The following LUZP2 variants were observed in gnomAD, a reference collection of about 807,000 sequenced individuals.
LUZP2 encodes leucine zipper protein 2.
In LUZP2, 52 loss-of-function variants were observed where a neutral mutation model predicts 51.6. The observed-to-expected ratio is 1.01, with a 90% CI of 0.81 to 1.27. The LOEUF is 1.27. LUZP2 is among the 50% of genes most tolerant of loss of function. LUZP2 has a pLI of 0.00. For synonymous variants in LUZP2, 154 were observed against 137.3 expected (o/e 1.12, Z -0.85); for missense variants, 436 against 395.4 (o/e 1.10, Z -0.87).
chr11:24,773,894 C>T (rs1457334767), intron 5 of LUZP2, among the ~76,000 whole-genome samples: 1 of 152,112 alleles, frequency 6.6e-6, no homozygotes, highest in African/African-American at 2.4e-5. Context: ...AACCACAAAG[C>T]CACATGTAGC....
intron 1 of LUZP2, among the ~76,000 whole-genome samples, chr11:24,541,116 G>T (rs1318928507): frequency 6.6e-6 from 1 of 151,828 alleles, no homozygotes; most frequent in Non-Finnish European, 1.5e-5. Flanking sequence ...AGCCGGGCGT[G>T]GTGGTGGGCG....
chr11:24,760,956 C>T (rs1427301507), intron 4 of LUZP2, among the ~76,000 whole-genome samples: 3 of 152,292 alleles, frequency 2.0e-5, no homozygotes, highest in Middle Eastern at 3.4e-3. Context: ...CTTAACCTAT[C>T]TCAGCTGAGA....
At chr11:24,525,511 C>G (rs1005488582) in intron 1 of LUZP2, among the ~76,000 whole-genome samples, 2 of 151,200 alleles carry the variant, frequency 1.3e-5, no homozygotes, top group Non-Finnish European at 3.0e-5. Flanking sequence ...ATTGCTGTAA[C>G]GTAAAGAATA....
chr11:24,754,369 C>G (rs1007762157), intron 4 of LUZP2, among the ~76,000 whole-genome samples: 18 of 152,174 alleles, frequency 1.2e-4, no homozygotes, highest in African/African-American at 3.9e-4. Context: ...TTCTTTCACT[C>G]TCCTCACTAC....
chr11:24,807,888 G>C (rs1214166869), intron 5 of LUZP2, among the ~76,000 whole-genome samples: 1 of 152,062 alleles, frequency 6.6e-6, no homozygotes, highest in Admixed American at 6.6e-5. Context: ...AACATATTTT[G>C]GGGGTATTGT....
intron 5 of LUZP2, among the ~76,000 whole-genome samples, chr11:24,815,345 G>T (rs973806274): frequency 6.6e-6 from 1 of 152,070 alleles, no homozygotes; most frequent in Non-Finnish European, 1.5e-5. Context: ...TATTGACTTT[G>T]ATGCATATGG....
intron 1 of LUZP2, among the ~76,000 whole-genome samples, chr11:24,694,670 C>A (rs12805076): frequency 0.028 from 4,255 of 152,080 alleles, 69 homozygotes; most frequent in Middle Eastern, 0.058. Flanking sequence ...TAGAACTAAC[C>A]CCAATGCCCA....
At chr11:24,557,000 T>C (rs1851888237) in intron 1 of LUZP2, among the ~76,000 whole-genome samples, 1 of 152,152 alleles carries the variant, frequency 6.6e-6, no homozygotes, top group Non-Finnish European at 1.5e-5. Context: ...TCTACCATTA[T>C]TAATTAATTT....
intron 9 of LUZP2, among the ~76,000 whole-genome samples, chr11:25,019,801 A>G (rs1287045260): frequency 6.6e-6 from 1 of 152,070 alleles, no homozygotes; most frequent in Non-Finnish European, 1.5e-5. Flanking sequence ...TCTTGAGGCT[A>G]CTGTCAGAGG....
chr11:25,029,188 A>C (rs1857578180), intron 9 of LUZP2, among the ~76,000 whole-genome samples: 1 of 152,126 alleles, frequency 6.6e-6, no homozygotes, highest in African/African-American at 2.4e-5. Context: ...GAGGGTGACT[A>C]TACTCAATAA....
At chr11:24,915,140 A>G (rs1853752818) in intron 7 of LUZP2, among the ~76,000 whole-genome samples, 1 of 152,168 alleles carries the variant, frequency 6.6e-6, no homozygotes, top group African/African-American at 2.4e-5. Flanking sequence ...ATGAAGTTGC[A>G]TGAATTAGAA....
chr11:24,678,164 G>A (rs974264493), intron 1 of LUZP2, among the ~76,000 whole-genome samples: 1 of 151,478 alleles, frequency 6.6e-6, no homozygotes, highest in Non-Finnish European at 1.5e-5. Context: ...ACTCCATAAA[G>A]GCAAGGATCA....
At chr11:24,717,942 G>A (rs140855198) in intron 1 of LUZP2, among the ~76,000 whole-genome samples, 18 of 152,176 alleles carry the variant, frequency 1.2e-4, no homozygotes, top group African/African-American at 4.1e-4. Flanking sequence ...TTTTATGACC[G>A]CATAGTATTC....
intron 1 of LUZP2, among the ~76,000 whole-genome samples, chr11:24,624,652 A>G (rs906484963): frequency 3.3e-5 from 5 of 152,116 alleles, no homozygotes; most frequent in Non-Finnish European, 7.4e-5. Context: ...GTGTAAATGT[A>G]TAGTTAAAGA....
intron 5 of LUZP2, among the ~76,000 whole-genome samples, chr11:24,867,275 C>A (rs995547180): frequency 2.0e-5 from 3 of 152,160 alleles, no homozygotes; most frequent in Admixed American, 1.3e-4. Flanking sequence ...CAGGGATATA[C>A]AAGACATAAT....
intron 5 of LUZP2, among the ~76,000 whole-genome samples, chr11:24,850,570 G>C (rs1474355309): frequency 6.6e-6 from 1 of 152,060 alleles, no homozygotes; most frequent in East Asian, 1.9e-4. Flanking sequence ...CTCCAGCTTT[G>C]TTCTTTTTGC....
At chr11:24,973,019 C>G (rs1206090100) in intron 7 of LUZP2, among the ~76,000 whole-genome samples, 1 of 147,808 alleles carries the variant, frequency 6.8e-6, no homozygotes, top group African/African-American at 2.5e-5. Flanking sequence ...CTTCTTTGTA[C>G]CTCTGGTAGA....
At chr11:24,822,675 C>G (rs927659703) in intron 5 of LUZP2, among the ~76,000 whole-genome samples, 7 of 152,126 alleles carry the variant, frequency 4.6e-5, no homozygotes, top group African/African-American at 1.4e-4. Flanking sequence ...ATTTCTGCCT[C>G]CCTGACTTGT....
intron 9 of LUZP2, among the ~76,000 whole-genome samples, chr11:25,038,118 T>C (rs1857921316): frequency 6.6e-6 from 1 of 152,126 alleles, no homozygotes; most frequent in Admixed American, 6.5e-5. Flanking sequence ...AGTGGCTTTT[T>C]ATCTCTCCTC....
Sources: allele counts gnomAD v4.1 joint callset (sites outside exome capture counted in the v4.1 genomes callset), GRCh38; gene constraint gnomAD v4.1.1; transcripts MANE v1.5; gene names NCBI Gene and HGNC (gene_info 2026-07-23, HGNC 2026-07-21).